The following CADPS variants were observed in gnomAD, a reference collection of about 807,000 sequenced individuals.
CADPS encodes calcium-dependent secretion activator 1.
In CADPS, 57 loss-of-function variants were observed where a neutral mutation model predicts 167.3. The observed-to-expected ratio is 0.34, with a 90% CI of 0.28 to 0.42. The LOEUF (loss-of-function observed/expected upper bound fraction) is 0.42. CADPS is among the 20% of genes least tolerant of loss of function. The pLI, the probability that CADPS is intolerant of heterozygous loss-of-function variation, is 1.00. For missense variants in CADPS, 1,414 were observed against 1,738.1 expected, an observed-to-expected ratio of 0.81 and a Z score of 3.32; for synonymous variants, 676 against 635.3, an observed-to-expected ratio of 1.06 and a Z score of -0.96.
At chr3:62,447,891 A>G (rs969559049) in intron 26 of CADPS, among the ~76,000 whole-genome samples, 1 of 151,674 alleles carries the variant, frequency 6.6e-6, no homozygotes, top group South Asian at 2.1e-4. Flanking sequence ...TTTTTTTTTC[A>G]TGTCTCCCCC....
chr3:62,707,162 A>C (rs2082461522), intron 3 of CADPS, among the ~76,000 whole-genome samples: 1 of 151,992 alleles, frequency 6.6e-6, no homozygotes, highest in Non-Finnish European at 1.5e-5. Context: ...TTACCTCCTG[A>C]GCTCCACCTC....
chr3:62,613,149 G>C (rs2061729398), intron 6 of CADPS, among the ~76,000 whole-genome samples: 1 of 152,156 alleles, frequency 6.6e-6, no homozygotes, highest in Admixed American at 6.5e-5. Flanking sequence ...CTCCTTCTCT[G>C]TTCCCTCTTA....
In CADPS at chr3:62,624,038, T is replaced by C. The variant is rs1357851345; in HGVS notation, c.1325+21684A>G. ...TTCTTCTCTAGTCCTTTTATGCCAT[T>C]TGAGAGCCTTCTAGAACGTTTTAAA... On this transcript the variant is annotated intron_variant, in intron 6 of 29. Coordinates refer to ENST00000383710, the MANE Select transcript of CADPS (RefSeq NM_003716.4). Among the ~76,000 whole-genome samples, 3 of 152,196 alleles carry C rather than the reference T, an allele frequency of 2.0e-5. No individual in the cohort carries two copies. In the East Asian group the frequency reaches 5.8e-4, roughly 29 times the overall value.
rs1207603918 is a variant in CADPS, at chr3:62,424,510, A to G, written c.3777+13594T>C. ...ATAATTCACTCTTTTAACATCTTTGAGACTGGATAGTGACACCTGGGGTTA... is the reference window on the plus strand; with the variant it reads ...ATAATTCACTCTTTTAACATCTTTGGGACTGGATAGTGACACCTGGGGTTA... On this transcript the variant is annotated intron_variant, in intron 28 of 29. Transcript: ENST00000383710. 2.0e-5 allele frequency among the ~76,000 whole-genome samples: 3 copies of G among 152,154 alleles called. No homozygotes were observed. The East Asian group carries it at 5.8e-4, about 29-fold the overall frequency.
At chr3:62,825,284 G>T (rs1161722799) in intron 1 of CADPS, among the ~76,000 whole-genome samples, 1 of 152,072 alleles carries the variant, frequency 6.6e-6, no homozygotes, top group Non-Finnish European at 1.5e-5. Flanking sequence ...ATGTTATTAG[G>T]CACTTAATGT....
chr3:62,837,094 G>T (rs541641848), intron 1 of CADPS, among the ~76,000 whole-genome samples: 2 of 152,180 alleles, frequency 1.3e-5, no homozygotes, highest in Middle Eastern at 3.4e-3. Context: ...GTAATAATAC[G>T]TTAATAAATA....
At chr3:62,839,734 A>G (rs2153035508) in intron 1 of CADPS, among the ~76,000 whole-genome samples, 1 of 152,314 alleles carries the variant, frequency 6.6e-6, no homozygotes, top group East Asian at 1.9e-4. Context: ...TAGAGGATGG[A>G]AAACGGCAAG....
chr3:62,623,660 G>C (rs1333177292), intron 6 of CADPS, among the ~76,000 whole-genome samples: 2 of 152,120 alleles, frequency 1.3e-5, no homozygotes, highest in Non-Finnish European at 2.9e-5. Context: ...AGGAGTGTTA[G>C]ATCCTGGAAG....
chr3:62,803,294 G>A (rs78367935), intron 1 of CADPS, among the ~76,000 whole-genome samples: 3,448 of 151,222 alleles, frequency 0.023, 62 homozygotes, highest in South Asian at 0.061. Context: ...AGACATTAAG[G>A]TAGGGGCATT....
intron 9 of CADPS, among the ~76,000 whole-genome samples, chr3:62,569,800 C>G (rs2080962338): frequency 6.6e-6 from 1 of 152,162 alleles, no homozygotes; most frequent in African/African-American, 2.4e-5. Flanking sequence ...AATTAGATTT[C>G]TGCAAATTGA....
At chr3:62,500,023 T>C (rs2065474267) in intron 17 of CADPS, 2 of 152,272 alleles carry the variant, frequency 1.3e-5, no homozygotes, top group African/African-American at 4.8e-5. Flanking sequence ...CCCTGGCTTA[T>C]GTTGCCTTCT....
At chr3:62,580,959 T>C (rs1283897968) in intron 8 of CADPS, among the ~76,000 whole-genome samples, 1 of 152,198 alleles carries the variant, frequency 6.6e-6, no homozygotes, top group Non-Finnish European at 1.5e-5. Context: ...GTTTCAAGAA[T>C]CTGCATTTGA....
chr3:62,460,013 T>G (rs1181656449), intron 26 of CADPS, among the ~76,000 whole-genome samples: 4 of 152,236 alleles, frequency 2.6e-5, no homozygotes, highest in African/African-American at 9.6e-5. Flanking sequence ...GGATAGTTTC[T>G]GGAAAAGTCA....
intron 2 of CADPS, among the ~76,000 whole-genome samples, chr3:62,764,837 GA>G (rs1276058189): frequency 6.6e-6 from 1 of 152,080 alleles, no homozygotes; most frequent in African/African-American, 2.4e-5. Flanking sequence ...AGGAAGGAAG[GA>G]AATCAATGAA....
intron 25 of CADPS, 45 bp downstream of exon 25, chr3:62,466,294 A>G (rs1333452861): frequency 7.8e-7 from 1 of 1,290,132 alleles, no homozygotes; most frequent in Non-Finnish European, 1.1e-6. Flanking sequence ...AGACATAACA[A>G]AGCAGTGTTC....
intron 3 of CADPS, among the ~76,000 whole-genome samples, chr3:62,666,667 C>G (rs1563576643): frequency 1.3e-5 from 2 of 152,166 alleles, no homozygotes; most frequent in South Asian, 4.1e-4. Context: ...AAAATAATTC[C>G]TTGGGCTTTT....
intron 9 of CADPS, among the ~76,000 whole-genome samples, chr3:62,568,015 G>T (rs2152432515): frequency 1.3e-5 from 2 of 152,232 alleles, no homozygotes; most frequent in East Asian, 3.9e-4. Context: ...CAATCCAGTG[G>T]GACTGTCAAT....
chr3:62,742,242 C>T (rs767644479), intron 3 of CADPS, among the ~76,000 whole-genome samples: 5 of 152,034 alleles, frequency 3.3e-5, no homozygotes, highest in Non-Finnish European at 5.9e-5. Context: ...ATTAAACTAT[C>T]ATTGAGATTT....
intron 3 of CADPS, among the ~76,000 whole-genome samples, chr3:62,746,493 T>G (rs2081483076): frequency 6.6e-6 from 1 of 152,150 alleles, no homozygotes. Context: ...CATGCCACCA[T>G]GCCTGGCTAA....
Sources: gnomAD v4.1 joint callset for allele counts (sites outside exome capture counted in the v4.1 genomes callset) on GRCh38, gnomAD v4.1.1 for gene constraint, MANE v1.5 for transcripts, NCBI Gene and HGNC (gene_info 2026-07-23, HGNC 2026-07-21) for gene names.